BEND4: variants seen among roughly 807,000 people sequenced by gnomAD.
BEND4 encodes BEN domain containing 4.
Under a neutral mutation model 54.7 loss-of-function variants are expected in BEND4, and 27 were observed. That is an observed-to-expected ratio of 0.49 (90% CI 0.36 to 0.68). The LOEUF is 0.68. BEND4 is among the 30% of genes least tolerant of loss of function. The pLI, the probability that BEND4 is intolerant of heterozygous loss-of-function variation, is 0.00. For synonymous variants in BEND4, 327 were observed against 299.5 expected (o/e 1.09, Z -0.95); for missense variants, 702 against 697.2 (o/e 1.01, Z -0.08).
chr4:42,113,057 A>T lies in BEND4; in HGVS notation c.*4461T>A, dbSNP rs959215049. 1 of 152,236 alleles carries T rather than the reference A, an allele frequency of 6.6e-6. No homozygotes were observed. Among genetic ancestry groups the T allele is most frequent in the Non-Finnish European group, 1.5e-5 (1 of 68,036 alleles). 9.4% of individuals were successfully genotyped at this position (152,236 alleles called of 1,614,324 possible). A position where few individuals can be genotyped will look rare whatever the true frequency, so the allele number is the denominator to read the frequency against. ...CATACTGCTGTTTAGACACATTTACATTAGAGTTCTGACTCAAGCACTCCA... is the reference window on the plus strand; with the variant it reads ...CATACTGCTGTTTAGACACATTTACTTTAGAGTTCTGACTCAAGCACTCCA... On this transcript the variant is annotated 3_prime_UTR_variant, in exon 6 of 6. Transcript: ENST00000502486.
Position 42,151,830 on chromosome 4 carries a change from G to A in BEND4, c.314C>T (p.Thr105Met), listed in dbSNP as rs1367892829. ...AAASSSSPSC[T>M]PATSQGHLRT... Reference sequence around the variant, plus strand: ...CAAGTGGCCCTGGGATGTGGCGGGCGTGCAGGACGGCGACGACGACGAAGC... The same window carrying A: ...CAAGTGGCCCTGGGATGTGGCGGGCATGCAGGACGGCGACGACGACGAAGC... Residue 105 changes from threonine to methionine, a missense_variant, in exon 2 of 6, where the codon ACG (threonine) becomes ATG (methionine). By Grantham distance (81) the Thr-to-Met change is moderately conservative (BLOSUM62 -1). Transcript: ENST00000502486. 3.6e-6 allele frequency: 5 copies of A among 1,379,682 alleles called. No homozygotes were observed. Among genetic ancestry groups the A allele is most frequent in the African/African-American group, 1.5e-5 (1 of 65,254 alleles). The allele number at this position is 1,379,682 out of a possible 1,614,324, so 85.5% of individuals were successfully genotyped here.
chr4:42,115,321 C>T lies in BEND4; in HGVS notation c.*2197G>A, dbSNP rs1719760071. 6.6e-6 allele frequency: 1 copy of T among 152,258 alleles called. No homozygotes were observed. Among genetic ancestry groups the T allele is most frequent in the Admixed American group, 6.5e-5 (1 of 15,274 alleles). The allele number at this position is 152,258 out of a possible 1,614,324, so 9.4% of individuals were successfully genotyped here. A position where few individuals can be genotyped will look rare whatever the true frequency, so the allele number is the denominator to read the frequency against. ...AAAACACAGGCTGCTGCCCCCCGCC[C>T]TTGCAGCAGTGGTGCAGGTGCGTTG... On this transcript the variant is annotated 3_prime_UTR_variant, in exon 6 of 6. Transcript: ENST00000502486.
At chr4:42,119,872 A>G (rs1719991754) in intron 5 of BEND4, 182 bp downstream of exon 5, 1 of 672,836 alleles carries the variant, frequency 1.5e-6, no homozygotes, top group Non-Finnish European at 2.6e-6. Flanking sequence ...CAACAACGCT[A>G]AGGCAAACGG....
chr4:42,140,545 A>G (rs999684686), intron 3 of BEND4, among the ~76,000 whole-genome samples: 2 of 152,214 alleles, frequency 1.3e-5, no homozygotes, highest in African/African-American at 2.4e-5. Flanking sequence ...TTGATCATCA[A>G]GAAGGCTCAA....
rs1560587023 is a variant in BEND4 at position 42,151,755 on chromosome 4, G to T, written c.389C>A (p.Ser130Tyr). 6.7e-7 allele frequency: 1 copy of T among 1,499,848 alleles called. No individual in the cohort carries two copies. The highest frequency in any genetic ancestry group is 8.8e-7 in the Non-Finnish European group (1 of 1,130,886). 92.9% of individuals were successfully genotyped at this position (1,499,848 alleles called of 1,614,324 possible). A position where few individuals can be genotyped will look rare whatever the true frequency, so the allele number is the denominator to read the frequency against. ...ATACCTGACGACAGCGGCGAACGAA[G>T]ACGACGAGGAGGCGGCGGGGGACGC... ...PPASPAASSSSSFAAVVRYGP... is the reference protein window; with the variant it reads ...PPASPAASSSYSFAAVVRYGP... Residue 130 changes from serine to tyrosine, a missense_variant, in exon 2 of 6, where the codon TCT becomes TAT. Coordinates refer to ENST00000502486, the MANE Select transcript of BEND4 (RefSeq NM_207406.4).
At chr4:42,149,376 GACC>G (rs1721184135) in intron 2 of BEND4, among the ~76,000 whole-genome samples, 3 of 152,290 alleles carry the variant, frequency 2.0e-5, no homozygotes, top group African/African-American at 7.2e-5. Context: ...TTAATATTAT[GACC>G]ACAATTCATG....
rs143033505 is a variant in BEND4, at chr4:42,114,506, T to A, written c.*3012A>T. 1.3e-5 allele frequency: 2 copies of A among 152,294 alleles called. No individual in the cohort carries two copies. Among genetic ancestry groups the A allele is most frequent in the African/African-American group, 4.8e-5 (2 of 41,570 alleles). The allele number at this position is 152,294 out of a possible 1,614,324, so 9.4% of individuals were successfully genotyped here. On this transcript the variant is annotated 3_prime_UTR_variant, in exon 6 of 6. Transcript: ENST00000502486. ...TGTTTTAACTCAATCTATTTTACAC[T>A]ACCAATGCTAACATGACTCAAGAAG...
intron 2 of BEND4, among the ~76,000 whole-genome samples, chr4:42,148,003 G>A (rs1002985394): frequency 6.6e-5 from 10 of 152,090 alleles, no homozygotes; most frequent in Non-Finnish European, 1.2e-4. Flanking sequence ...TTTTAGCCCA[G>A]CGAAGGGTGA....
intron 3 of BEND4, among the ~76,000 whole-genome samples, chr4:42,132,686 C>T (rs1720552324): frequency 6.6e-6 from 1 of 152,034 alleles, no homozygotes; most frequent in South Asian, 2.1e-4. Context: ...CCTGAGTGAT[C>T]CACCCGCCTC....
rs1721319591 is a variant in BEND4, at chr4:42,152,050, T to C, written c.94A>G (p.Ser32Gly). 8.0e-7 allele frequency: 1 copy of C among 1,251,714 alleles called. No homozygotes were observed. Among genetic ancestry groups the C allele is most frequent in the Non-Finnish European group, 1.0e-6 (1 of 990,914 alleles). The allele number at this position is 1,251,714 out of a possible 1,614,324, so 77.5% of individuals were successfully genotyped here. The change falls in exon 2 of 6, where the codon AGC becomes GGC. Residue 32 changes from serine to glycine, a missense_variant. By Grantham distance (56) the Ser-to-Gly change is moderately conservative (BLOSUM62 0). Transcript: ENST00000502486. The part of the protein sequence containing the change: ...SPYSVLKTFP[S>G]KRPALAKRYE... Reference sequence around the variant, plus strand: ...CGCTTGGCCAGCGCCGGTCTCTTGCTGGGGAACGTCTTGAGGACGCTGTAG... The same window carrying C: ...CGCTTGGCCAGCGCCGGTCTCTTGCCGGGGAACGTCTTGAGGACGCTGTAG...
In BEND4 at chr4:42,117,579, T is replaced by C; in HGVS notation, c.1544A>G (p.Asp515Gly). Residue 515 changes from aspartate to glycine, a missense_variant, in exon 6 of 6, where the codon GAT becomes GGT. Transcript: ENST00000502486. ...GACTTCATCCTGAGAAGCCTGGTGA[T>C]CGATCCCTTCATAAAATGAGCCACC... ...HNGGSFYEGI[D>G]HQASQDEVFN... is the part of the protein sequence containing the mutation. The C allele has an allele frequency of 1.9e-6, 3 of 1,613,312 alleles. No homozygotes were observed. The highest frequency in any genetic ancestry group is 2.2e-5 in the East Asian group (1 of 44,870).
At chr4:42,148,446 C>T (rs1235603837) in intron 2 of BEND4, among the ~76,000 whole-genome samples, 1 of 152,142 alleles carries the variant, frequency 6.6e-6, no homozygotes, top group Non-Finnish European at 1.5e-5. Flanking sequence ...TCTGGACCAT[C>T]GGTATATAAA....
intron 2 of BEND4, chr4:42,151,241 A>C: frequency 6.2e-6 from 1 of 160,118 alleles, no homozygotes; most frequent in Non-Finnish European, 1.4e-5. Flanking sequence ...AGGAAGAAGG[A>C]GAAAGGGAAA....
Position 42,112,243 on chromosome 4 carries a change from G to GTTAAA in BEND4, c.*5274_*5275insTTTAA, listed in dbSNP as rs1236198191. 2.0e-5 allele frequency: 3 copies of GTTAAA among 152,264 alleles called. No individual in the cohort carries two copies. In the South Asian group the frequency reaches 6.2e-4, roughly 32 times the overall value. The allele number at this position is 152,264 out of a possible 1,614,324, so 9.4% of individuals were successfully genotyped here. A position where few individuals can be genotyped will look rare whatever the true frequency, so the allele number is the denominator to read the frequency against. ...GCAGTTTCCTTATCAATACAATGGG[G>GTTAAA]ATAAGAACAGTAACAGCCTCATAGG... is the stretch of plus-strand genomic sequence containing the variant. On this transcript the variant is annotated 3_prime_UTR_variant, in exon 6 of 6. Transcript: ENST00000502486.
intron 3 of BEND4, among the ~76,000 whole-genome samples, chr4:42,126,169 G>A (rs1040955065): frequency 6.6e-6 from 1 of 152,230 alleles, no homozygotes; most frequent in African/African-American, 2.4e-5. Context: ...AGTTTGGAAA[G>A]AATTTTTAGG....
At position 42,143,812 on chromosome 4, in the gene BEND4, G is replaced by C. The variant is rs1720979131; in HGVS notation, c.670C>G (p.Gln224Glu). 5 of 1,598,280 alleles carry C rather than the reference G, an allele frequency of 3.1e-6. No individual in the cohort carries two copies. In the African/African-American group the frequency reaches 6.7e-5, roughly 21 times the overall value. ...TCTATGTCTACATTGTCTGAGGTCT[G>C]ACTGTGGACCCCTTTCCCAATGTGA... is the stretch of plus-strand genomic sequence containing the variant. ...HCHIGKGVHS[Q>E]TSDNVDIEMQ... is the part of the protein sequence containing the mutation. Residue 224 changes from glutamine to glutamate, a missense_variant, in exon 3 of 6, where the codon CAG (glutamine) becomes GAG (glutamate). Gln to Glu is a conservative substitution (Grantham distance 29). Transcript: ENST00000502486.
intron 3 of BEND4, among the ~76,000 whole-genome samples, chr4:42,134,447 T>A (rs1720622292): frequency 6.6e-6 from 1 of 152,244 alleles, no homozygotes; most frequent in African/African-American, 2.4e-5. Flanking sequence ...AGTATTAGCC[T>A]ACAGATGCAT....
chr4:42,117,751 C>A lies in BEND4; in HGVS notation c.1388-16G>T, dbSNP rs747068562. ...CTAATGAATTCTGCAGGAATATATACAACATCAAAAAGAGAGAGAGAAAAA... is the reference window on the plus strand; with the variant it reads ...CTAATGAATTCTGCAGGAATATATAAAACATCAAAAAGAGAGAGAGAAAAA... On this transcript the variant is annotated splice_polypyrimidine_tract_variant and intron_variant, in intron 5 of 5. Transcript: ENST00000502486. 1.3e-5 allele frequency: 20 copies of A among 1,531,562 alleles called. No individual in the cohort carries two copies. Among genetic ancestry groups the A allele is most frequent in the Non-Finnish European group, 1.7e-5 (19 of 1,125,198 alleles). The allele number at this position is 1,531,562 out of a possible 1,614,324, so 94.9% of individuals were successfully genotyped here. A position where few individuals can be genotyped will look rare whatever the true frequency, so the allele number is the denominator to read the frequency against.
At position 42,119,166 on chromosome 4, in the gene BEND4, A is replaced by C. The variant is rs775321255; in HGVS notation, c.1387+888T>G. On this transcript the variant is annotated intron_variant, in intron 5 of 5. Coordinates refer to ENST00000502486, the MANE Select transcript of BEND4 (RefSeq NM_207406.4). ...ATCTCAGGAGGGAGTGCAGAAGTAG[A>C]GTATTCTTTCCAATAACTAGGGCCT... 3.1e-4 allele frequency among the ~76,000 whole-genome samples: 47 copies of C among 152,118 alleles called. 1 individual carries two copies. The highest frequency in any genetic ancestry group is 3.7e-4 in the Non-Finnish European group (25 of 68,028).
Sources: allele counts gnomAD v4.1 joint callset (sites outside exome capture counted in the v4.1 genomes callset), GRCh38; gene constraint gnomAD v4.1.1; transcripts MANE v1.5; gene names NCBI Gene and HGNC (gene_info 2026-07-23, HGNC 2026-07-21).